The following COL6A1 variants were observed in gnomAD, a reference collection of about 807,000 sequenced individuals.
COL6A1 encodes the protein collagen alpha-1(VI) chain.
In COL6A1, 80 loss-of-function variants were observed where a neutral mutation model predicts 145.6. The ratio of observed to expected loss-of-function variants is 0.55; its 90% confidence interval spans 0.46 to 0.66. The LOEUF (loss-of-function observed/expected upper bound fraction) is 0.66. COL6A1 is among the 30% of genes least tolerant of loss of function. The pLI is 0.00. For missense variants in COL6A1, 1,364 were observed against 1,473.8 expected (o/e 0.93, Z 1.22); for synonymous variants, 638 against 622.8 (o/e 1.02, Z -0.36).
chr21:45,987,417 G>A, intron 6 of COL6A1, 82 bp from the exon 7 acceptor site: 2 of 1,592,370 alleles, frequency 1.3e-6, no homozygotes, highest in Middle Eastern at 1.7e-4. Context: ...CTGCCCATGT[G>A]CCTGGGTCGC....
chr21:45,999,678 C>G lies in COL6A1; in HGVS notation c.1762C>G (p.Pro588Ala). 1.2e-6 allele frequency: 2 copies of G among 1,613,396 alleles called. No homozygotes were observed. Among genetic ancestry groups the G allele is most frequent in the South Asian group, 2.2e-5 (2 of 90,972 alleles). The change falls in exon 27 of 35, where the codon CCG becomes GCG. Residue 588 changes from proline to alanine, a missense_variant. Physicochemically the swap from Pro to Ala is conservative, Grantham distance 27. Around this residue, in one of 3 missense-constraint regions of COL6A1, gnomAD observed 938 missense variants for 1,003.8 expected, o/e 0.93. Transcript: ENST00000361866. The part of the protein sequence containing the change: ...GPQGPPGHQG[P>A]PGPDECEILD... ...ACAGGGACCCCCAGGACACCAAGGA[C>G]CGCCTGGGCCGGACGTAAGTGGGGC... is the stretch of plus-strand genomic sequence containing the variant.
rs753236514 is a variant in COL6A1, at chr21:46,002,752, T to C, written c.2434+42T>C. On this transcript the variant is annotated intron_variant, in intron 33 of 34. Transcript: ENST00000361866. The stretch of plus-strand genomic sequence containing the variant: ...CCGGGCAGTCCCAGATCTGCGTAGG[T>C]GCGCGCGGGGCCGCCCGGGCAGTCC... The C allele has an allele frequency of 2.6e-6, 4 of 1,555,420 alleles. No homozygotes were observed. In the Admixed American group the frequency reaches 5.2e-5, roughly 20 times the overall value.
chr21:45,984,649 G>A (rs958091322), intron 3 of COL6A1, among the ~76,000 whole-genome samples, 180 bp downstream of exon 3: 1 of 152,214 alleles, frequency 6.6e-6, no homozygotes, highest in Non-Finnish European at 1.5e-5. Flanking sequence ...CAGAGACAGA[G>A]AGAAACAGAA....
chr21:45,993,127 C>T (rs902679827), intron 19 of COL6A1, among the ~76,000 whole-genome samples: 4 of 152,242 alleles, frequency 2.6e-5, no homozygotes, highest in African/African-American at 9.6e-5. Flanking sequence ...AAATTCCCAG[C>T]GTGAGGAAGT....
intron 10 of COL6A1, 30 bp downstream of exon 10, chr21:45,989,682 C>T: frequency 1.2e-6 from 2 of 1,613,130 alleles, no homozygotes; most frequent in Non-Finnish European, 1.7e-6. Context: ...TGGCCCGAGC[C>T]CGGTGGTGCC....
chr21:46,002,689 G>A lies in COL6A1; in HGVS notation c.2413G>A (p.Val805Ile), dbSNP rs886043403. The A allele has an allele frequency of 1.2e-6, 2 of 1,613,520 alleles. No individual in the cohort carries two copies. Among genetic ancestry groups the A allele is most frequent in the Non-Finnish European group, 1.7e-6 (2 of 1,179,854 alleles). The change falls in exon 33 of 35, where the codon GTC becomes ATC. Residue 805 changes from valine to isoleucine, a missense_variant. Physicochemically the swap from Val to Ile is conservative, Grantham distance 29. Transcript: ENST00000361866. ...ELLEDAFLKN[V>I]TAQICIDKKC... is the part of the protein sequence containing the mutation. Reference sequence around the variant, plus strand: ...GCTGGAGGATGCCTTCCTGAAGAATGTCACCGCCCAGATCTGCATAGGTGC... The same window carrying A: ...GCTGGAGGATGCCTTCCTGAAGAATATCACCGCCCAGATCTGCATAGGTGC...
intron 3 of COL6A1, among the ~76,000 whole-genome samples, chr21:45,984,973 GAGAC>G (rs1255915212): frequency 6.6e-6 from 1 of 151,866 alleles, no homozygotes; most frequent in Non-Finnish European, 1.5e-5. Flanking sequence ...GAAAGAGAGA[GAGAC>G]AGAGGGAAAC....
At chr21:45,992,126 AG>A in intron 16 of COL6A1, 37 bp from the exon 17 acceptor site, 2 of 1,613,614 alleles carry the variant, frequency 1.2e-6, no homozygotes, top group Non-Finnish European at 1.7e-6. Flanking sequence ...GGGAGGGTCA[AG>A]GAGATGGAGC....
Position 45,986,955 on chromosome 21 carries a change from G to C in COL6A1, c.600G>C (p.Leu200=), listed in dbSNP as rs772939701. ...AITPDHLEPR[L]SIIATDHTYR... Reference sequence around the variant, plus strand: ...AACACTGCCCCCAGGAGCCGCGTCTGAGCATCATCGCCACGGACCACACGT... The same window carrying C: ...AACACTGCCCCCAGGAGCCGCGTCTCAGCATCATCGCCACGGACCACACGT... Residue 200 remains leucine, a synonymous_variant, in exon 5 of 35, where the codon CTG becomes CTC. Coordinates refer to ENST00000361866, the MANE Select transcript of COL6A1 (RefSeq NM_001848.3). 1 of 1,551,434 alleles carries C rather than the reference G, an allele frequency of 6.4e-7. No individual in the cohort carries two copies. Among genetic ancestry groups the C allele is most frequent in the Non-Finnish European group, 8.7e-7 (1 of 1,150,644 alleles).
intron 27 of COL6A1, among the ~76,000 whole-genome samples, 159 bp from the exon 28 acceptor site, chr21:46,000,172 G>A (rs867431515): frequency 2.0e-5 from 3 of 152,044 alleles, no homozygotes; most frequent in Middle Eastern, 3.4e-3. Flanking sequence ...CCAGTAGCAG[G>A]GGTGTAGTGG....
chr21:46,003,291 G>A (rs769422380), intron 34 of COL6A1, 100 bp from the exon 35 acceptor site: 35 of 1,602,750 alleles, frequency 2.2e-5, no homozygotes, highest in Admixed American at 5.0e-5. Flanking sequence ...GAGCACCACC[G>A]TGCCGTGCCC....
intron 19 of COL6A1, among the ~76,000 whole-genome samples, chr21:45,993,638 G>T (rs956714305): frequency 6.6e-6 from 1 of 152,296 alleles, no homozygotes; most frequent in African/African-American, 2.4e-5. Flanking sequence ...GCTCCCCAGT[G>T]GGGGGTGGGG....
intron 21 of COL6A1, 70 bp from the exon 22 acceptor site, chr21:45,997,630 G>A: frequency 6.4e-7 from 1 of 1,553,476 alleles, no homozygotes; most frequent in Non-Finnish European, 8.7e-7. Context: ...CCCGGCCCCA[G>A]GAGGGCCCTG....
chr21:45,984,607 C>A, intron 3 of COL6A1, 138 bp downstream of exon 3: 1 of 764,304 alleles, frequency 1.3e-6, no homozygotes, highest in Non-Finnish European at 2.2e-6. Flanking sequence ...CTCCCTGACC[C>A]ACTTTGTGGG....
Position 45,986,734 on chromosome 21 carries a change from G to A in COL6A1, c.588+49G>A, listed in dbSNP as rs536288320. 873 of 1,534,332 alleles carry A rather than the reference G, an allele frequency of 5.7e-4. 1 individual carries two copies. The highest frequency in any genetic ancestry group is 7.2e-4 in the Non-Finnish European group (826 of 1,143,552). Reference sequence around the variant, plus strand: ...GATGCCCCCAACCACAGGGAGTGGCGGCTGCAAGGCCCCCGGCAGCTGGGA... The same window carrying A: ...GATGCCCCCAACCACAGGGAGTGGCAGCTGCAAGGCCCCCGGCAGCTGGGA... On this transcript the variant is annotated intron_variant, in intron 4 of 34. Transcript: ENST00000361866.
chr21:45,992,327 C>T (rs763819477), intron 17 of COL6A1, 36 bp from the exon 18 acceptor site: 35 of 1,613,804 alleles, frequency 2.2e-5, no homozygotes, highest in Admixed American at 3.3e-5. Flanking sequence ...GTGTGTCCAC[C>T]AGACTAACGC....
chr21:46,001,523 C>A, intron 30 of COL6A1, 137 bp downstream of exon 30: 1 of 1,218,418 alleles, frequency 8.2e-7, no homozygotes. Flanking sequence ...ACAAGGATGC[C>A]AGGCACGCGC....
intron 27 of COL6A1, 97 bp downstream of exon 27, chr21:45,999,789 T>G: frequency 1.0e-4 from 75 of 720,220 alleles, no homozygotes; most frequent in Non-Finnish European, 1.3e-4. Flanking sequence ...TAGACGCTGC[T>G]CACGGGGGGG....
At chr21:45,983,586 G>A (rs578044851) in intron 2 of COL6A1, among the ~76,000 whole-genome samples, 2 of 152,048 alleles carry the variant, frequency 1.3e-5, no homozygotes, top group Admixed American at 6.5e-5. Context: ...AGCCCACACC[G>A]TGCCCAGCAG....
Sources: allele counts gnomAD v4.1 joint callset (sites outside exome capture counted in the v4.1 genomes callset), GRCh38; gene constraint gnomAD v4.1.1; regional missense constraint gnomAD v4.1.1; transcripts MANE v1.5; gene names NCBI Gene and HGNC (gene_info 2026-07-23, HGNC 2026-07-21).